NEGR1: variants seen among roughly 807,000 people sequenced by gnomAD.
NEGR1 encodes neuronal growth regulator 1.
Under a neutral mutation model 40.9 loss-of-function variants are expected in NEGR1, and 10 were observed. That is an observed-to-expected ratio of 0.24 (90% CI 0.15 to 0.42). The LOEUF is 0.42. NEGR1 is among the 10% of genes least tolerant of loss of function. The pLI, the probability that NEGR1 is intolerant of heterozygous loss-of-function variation, is 1.00. For missense variants in NEGR1, 352 were observed against 438.9 expected (o/e 0.80, Z 1.77); for synonymous variants, 185 against 166.8 (o/e 1.11, Z -0.84).
chr1:71,407,478 T>C lies in NEGR1; in HGVS notation c.1033A>G (p.Ile345Val). 2 of 1,612,462 alleles carry C rather than the reference T, an allele frequency of 1.2e-6. No homozygotes were observed. The highest frequency in any genetic ancestry group is 1.7e-6 in the Non-Finnish European group (2 of 1,178,714). Residue 345 changes from isoleucine (I) to valine (V), a missense_variant, in exon 7 of 7, where the codon ATA becomes GTA. Transcript: ENST00000357731. ...AGAATGGCATTCTTCAGGTAGAATA[T>C]GCTGGTGAAAGAGGACAGTGTCAAC... ...LVLTLSSFTSIFYLKNAILQ is the reference protein window; with the variant it reads ...LVLTLSSFTSVFYLKNAILQ
At chr1:71,772,019 T>C (rs772386563) in intron 3 of NEGR1, among the ~76,000 whole-genome samples, 9 of 152,124 alleles carry the variant, frequency 5.9e-5, no homozygotes, top group Non-Finnish European at 1.3e-4. Context: ...ATAAACTATA[T>C]GATGTGGAAA....
chr1:71,786,015 C>A (rs1171717799), intron 2 of NEGR1, among the ~76,000 whole-genome samples: 1 of 152,118 alleles, frequency 6.6e-6, no homozygotes, highest in African/African-American at 2.4e-5. Flanking sequence ...AAAAATAACA[C>A]CTTCTTTGAA....
At chr1:71,928,472 A>T (rs1645820455) in intron 2 of NEGR1, among the ~76,000 whole-genome samples, 1 of 145,110 alleles carries the variant, frequency 6.9e-6, no homozygotes, top group Non-Finnish European at 1.5e-5. Context: ...ATACTTATAT[A>T]TACACATATA....
At chr1:71,968,656 TCAAA>T (rs1261198177) in intron 1 of NEGR1, among the ~76,000 whole-genome samples, 1 of 152,178 alleles carries the variant, frequency 6.6e-6, no homozygotes, top group East Asian at 1.9e-4. Context: ...TAAATGATAA[TCAAA>T]CATTCTATAG....
rs546672382 is a variant in NEGR1 at position 72,114,022 on chromosome 1, CT to C, written c.176+168296del. On this transcript the variant is annotated intron_variant, in intron 1 of 6. Transcript: ENST00000357731. Reference sequence around the variant, plus strand: ...ATCTACTAATCATAAAACCATATAGCTTACAAATTTGAAATACAGGTACTTG... The same window carrying C: ...ATCTACTAATCATAAAACCATATAGCTACAAATTTGAAATACAGGTACTTG... 1.2e-3 allele frequency among the ~76,000 whole-genome samples: 175 copies of C among 151,750 alleles called. 1 individual carries two copies. The highest frequency in any genetic ancestry group is 4.1e-3 in the African/African-American group (171 of 41,458).
At chr1:71,909,235 A>G (rs1365887231) in intron 2 of NEGR1, among the ~76,000 whole-genome samples, 1 of 152,236 alleles carries the variant, frequency 6.6e-6, no homozygotes, top group Non-Finnish European at 1.5e-5. Flanking sequence ...GCCACGTAGC[A>G]GGGCATATCA....
At chr1:72,100,846 T>C (rs1326052659) in intron 1 of NEGR1, 1 of 152,230 alleles carries the variant, frequency 6.6e-6, no homozygotes, top group African/African-American at 2.4e-5. Context: ...AAGTACATGA[T>C]CAAGATGCTG....
chr1:71,540,338 T>C lies in NEGR1; in HGVS notation c.940+52479A>G, dbSNP rs556972161. Among the ~76,000 whole-genome samples, 48 of 151,898 alleles carry C rather than the reference T, an allele frequency of 3.2e-4. 1 individual carries two copies. Among genetic ancestry groups the C allele is most frequent in the African/African-American group, 1.1e-3 (46 of 41,530 alleles). On this transcript the variant is annotated intron_variant, in intron 6 of 6. Transcript: ENST00000357731. The stretch of plus-strand genomic sequence containing the variant: ...AAACTGATAGGTTTATAAAAGTCCA[T>C]TGTATTGATGCCATGCAAAGAAAGG...
intron 6 of NEGR1, among the ~76,000 whole-genome samples, chr1:71,548,475 A>C (rs1176708101): frequency 1.3e-5 from 2 of 151,644 alleles, no homozygotes; most frequent in Non-Finnish European, 3.0e-5. Flanking sequence ...ACCTTCAGAA[A>C]AAAGGAAATG....
intron 6 of NEGR1, among the ~76,000 whole-genome samples, chr1:71,513,457 T>C (rs2101419405): frequency 6.6e-6 from 1 of 152,332 alleles, no homozygotes; most frequent in South Asian, 2.1e-4. Flanking sequence ...GCATAAATTC[T>C]GAACAGGCTA....
chr1:72,253,055 T>C (rs1655158367), intron 1 of NEGR1, among the ~76,000 whole-genome samples: 1 of 152,180 alleles, frequency 6.6e-6, no homozygotes, highest in Non-Finnish European at 1.5e-5. Context: ...AGACTTCCTT[T>C]AGTTGGGTGC....
intron 1 of NEGR1, among the ~76,000 whole-genome samples, chr1:72,258,611 A>G (rs1189713832): frequency 4.6e-5 from 7 of 152,184 alleles, no homozygotes; most frequent in Non-Finnish European, 1.0e-4. Flanking sequence ...CAATTAAATA[A>G]CTAAATTATT....
intron 2 of NEGR1, among the ~76,000 whole-genome samples, chr1:71,865,176 C>A (rs999885316): frequency 3.9e-5 from 6 of 152,138 alleles, no homozygotes; most frequent in Admixed American, 3.9e-4. Flanking sequence ...TAGATCATAT[C>A]TGAAATATTT....
intron 1 of NEGR1, among the ~76,000 whole-genome samples, chr1:72,194,827 G>A (rs563499494): frequency 3.3e-5 from 5 of 152,166 alleles, no homozygotes; most frequent in Admixed American, 1.3e-4. Flanking sequence ...CATTCATGTT[G>A]TATCAGATGT....
At chr1:72,076,695 C>T (rs1292990469) in intron 1 of NEGR1, among the ~76,000 whole-genome samples, 8 of 152,044 alleles carry the variant, frequency 5.3e-5, no homozygotes, top group Non-Finnish European at 7.4e-5. Flanking sequence ...TATGTGTGTA[C>T]ATACATATAT....
Position 71,603,324 on chromosome 1 carries a change from AATG to A in NEGR1, c.788+7699_788+7701del, listed in dbSNP as rs376948128. ...CTACATTGGTAAGAACCACCTTGTG[AATG>A]ATAAGATAAAAGCAAAAGAGAAACA... On this transcript the variant is annotated intron_variant, in intron 5 of 6. Coordinates refer to ENST00000357731, the MANE Select transcript of NEGR1 (RefSeq NM_173808.3). 2.6e-3 allele frequency among the ~76,000 whole-genome samples: 394 copies of A among 152,332 alleles called. 1 individual carries two copies. The highest frequency in any genetic ancestry group is 9.1e-3 in the African/African-American group (378 of 41,582).
intron 1 of NEGR1, among the ~76,000 whole-genome samples, chr1:72,212,427 A>G (rs1255692598): frequency 6.6e-6 from 1 of 151,964 alleles, no homozygotes; most frequent in Non-Finnish European, 1.5e-5. Context: ...AACTTGTCTC[A>G]GGAAGCCAAG....
intron 2 of NEGR1, among the ~76,000 whole-genome samples, chr1:71,918,948 G>T (rs1270057824): frequency 6.6e-6 from 1 of 152,176 alleles, no homozygotes; most frequent in Non-Finnish European, 1.5e-5. Flanking sequence ...AATCCACATA[G>T]AATTTTTCCA....
chr1:71,415,886 C>T (rs1646351549), intron 6 of NEGR1, among the ~76,000 whole-genome samples: 1 of 152,020 alleles, frequency 6.6e-6, no homozygotes, highest in South Asian at 2.1e-4. Context: ...ATGTAAGCGT[C>T]TTGACATATT....
Sources: gnomAD v4.1 joint callset for allele counts (sites outside exome capture counted in the v4.1 genomes callset) on GRCh38, gnomAD v4.1.1 for gene constraint, MANE v1.5 for transcripts, NCBI Gene and HGNC (gene_info 2026-07-23, HGNC 2026-07-21) for gene names.